The following RANBP2 variants were observed in gnomAD, a reference collection of about 807,000 sequenced individuals.
RANBP2 encodes E3 SUMO-protein ligase RanBP2.
A neutral mutation model predicts 303.6 loss-of-function variants in RANBP2; 57 were observed. The ratio of observed to expected loss-of-function variants is 0.19; its 90% CI spans 0.15 to 0.23. The LOEUF is 0.23. RANBP2 is among the 10% of genes least tolerant of loss of function. RANBP2 has a pLI of 1.00. For synonymous variants in RANBP2, 1,167 were observed against 1,301.5 expected (o/e 0.90, Z 2.23); for missense variants, 3,138 against 3,780.8 (o/e 0.83, Z 4.46).
At chr2:109,184,127 G>A in the RANBP2 span, among the ~76,000 whole-genome samples, 1 of 152,324 alleles carries the variant, frequency 6.6e-6, no homozygotes, top group East Asian at 1.9e-4. Context: ...TCTCCTGCAT[G>A]TGCTTCAAGG....
chr2:108,754,897 A>G lies in RANBP2; in HGVS notation c.2203-8A>G, dbSNP rs372713342. The stretch of plus-strand genomic sequence containing the variant: ...TGAAAGCCCTTAATTAATGTCTTTT[A>G]TTTTTAGTTGCCTGTGCCCCTGGAG... On this transcript the variant is annotated splice_polypyrimidine_tract_variant and splice_region_variant and intron_variant, in intron 15 of 28. Coordinates refer to ENST00000283195, the MANE Select transcript of RANBP2 (RefSeq NM_006267.5). The G allele has an allele frequency of 8.1e-6, 13 of 1,611,626 alleles. No individual in the cohort carries two copies. Among genetic ancestry groups the G allele is most frequent in the Middle Eastern group, 4.5e-4 (2 of 4,428 alleles).
chr2:109,455,496 T>TAA, the RANBP2 span, among the ~76,000 whole-genome samples: 1 of 150,784 alleles, frequency 6.6e-6, no homozygotes, highest in African/African-American at 2.4e-5. Context: ...ACCCACCCAT[T>TAA]AAATATATGT....
the RANBP2 span, among the ~76,000 whole-genome samples, chr2:109,147,645 GATTT>G: frequency 7.2e-5 from 11 of 152,196 alleles, no homozygotes; most frequent in South Asian, 2.1e-4. Flanking sequence ...TCTTGAAAAT[GATTT>G]ATTTGTCAAT....
At chr2:108,867,244 AGAGGTG>A in the RANBP2 span, among the ~76,000 whole-genome samples, 1 of 152,178 alleles carries the variant, frequency 6.6e-6, no homozygotes, top group Non-Finnish European at 1.5e-5. Context: ...TAGAAGAAGA[AGAGGTG>A]GACACAAGAG....
At chr2:109,561,317 A>G in the RANBP2 span, among the ~76,000 whole-genome samples, 1 of 151,838 alleles carries the variant, frequency 6.6e-6, no homozygotes, top group South Asian at 2.1e-4. Flanking sequence ...GTCTTCCCGA[A>G]TTTTCCAGCT....
chr2:109,300,324 C>T, the RANBP2 span, among the ~76,000 whole-genome samples: 5 of 152,118 alleles, frequency 3.3e-5, no homozygotes, highest in South Asian at 2.1e-4. Flanking sequence ...GGACTATAGT[C>T]GCACGCCACC....
the RANBP2 span, among the ~76,000 whole-genome samples, chr2:109,298,037 T>G: frequency 1.3e-5 from 2 of 152,084 alleles, no homozygotes; most frequent in Admixed American, 1.3e-4. Flanking sequence ...TGGTGCAGTG[T>G]GGGAACGTAC....
At chr2:109,340,901 A>C in the RANBP2 span, among the ~76,000 whole-genome samples, 1 of 152,042 alleles carries the variant, frequency 6.6e-6, no homozygotes, top group Non-Finnish European at 1.5e-5. Flanking sequence ...AAAGTAAAAA[A>C]AGGAAGAAAA....
the RANBP2 span, among the ~76,000 whole-genome samples, chr2:109,098,256 C>G: frequency 6.6e-6 from 1 of 152,212 alleles, no homozygotes. Context: ...GAACTAAACT[C>G]ATGTACAAGT....
chr2:109,241,081 G>T, the RANBP2 span, among the ~76,000 whole-genome samples: 2 of 152,198 alleles, frequency 1.3e-5, no homozygotes, highest in African/African-American at 4.8e-5. Context: ...AGTGGCCTTA[G>T]TAGTAAGCTC....
the RANBP2 span, among the ~76,000 whole-genome samples, chr2:109,149,495 G>A: frequency 1.3e-5 from 2 of 152,224 alleles, no homozygotes; most frequent in African/African-American, 4.8e-5. Context: ...GGCTTCAAAG[G>A]AAGGCACAGG....
the RANBP2 span, among the ~76,000 whole-genome samples, chr2:109,092,240 G>C: frequency 6.6e-6 from 1 of 152,128 alleles, no homozygotes; most frequent in Non-Finnish European, 1.5e-5. Flanking sequence ...GAACAGGCCT[G>C]TCTTTTGGTA....
chr2:109,469,067 G>A, the RANBP2 span, among the ~76,000 whole-genome samples: 2 of 151,952 alleles, frequency 1.3e-5, no homozygotes, highest in African/African-American at 2.4e-5. Flanking sequence ...CATGTAAGCT[G>A]AGAACACAGG....
chr2:109,573,428 AAAC>A, the RANBP2 span, among the ~76,000 whole-genome samples: 1 of 152,204 alleles, frequency 6.6e-6, no homozygotes, highest in African/African-American at 2.4e-5. Context: ...TCAACTATGA[AAAC>A]AACTGGCTAA....
At chr2:109,423,642 C>G in the RANBP2 span, among the ~76,000 whole-genome samples, 1 of 152,182 alleles carries the variant, frequency 6.6e-6, no homozygotes, top group Non-Finnish European at 1.5e-5. Context: ...CCTGGATCAG[C>G]GAAATCACCG....
chr2:109,398,592 C>A, the RANBP2 span: 15,341 of 1,558,234 alleles, frequency 9.8e-3, 1,233 homozygotes, highest in African/African-American at 0.18. Context: ...TCACTCAGCT[C>A]AATGACTCCG....
chr2:109,664,624 T>A, the RANBP2 span, among the ~76,000 whole-genome samples: 1 of 147,542 alleles, frequency 6.8e-6, no homozygotes, highest in African/African-American at 2.5e-5. Context: ...AATAAATAAA[T>A]AAAAATAAAA....
chr2:109,257,104 G>A, the RANBP2 span, among the ~76,000 whole-genome samples: 2 of 152,184 alleles, frequency 1.3e-5, no homozygotes, highest in Non-Finnish European at 2.9e-5. Context: ...TAGGCAGCCC[G>A]AAAGCCACTG....
the RANBP2 span, among the ~76,000 whole-genome samples, chr2:108,862,948 TA>T: frequency 0.92 from 139,522 of 152,034 alleles, 64,091 homozygotes; most frequent in East Asian, 1. Context: ...TCAATTTGGG[TA>T]AAAAAATAAT....
Sources: allele counts gnomAD v4.1 joint callset (sites outside exome capture counted in the v4.1 genomes callset), GRCh38; gene constraint gnomAD v4.1.1; transcripts MANE v1.5; gene names NCBI Gene and HGNC (gene_info 2026-07-23, HGNC 2026-07-21).